ABHD13: variants seen among roughly 807,000 people sequenced by gnomAD.
ABHD13 encodes the protein protein ABHD13.
In ABHD13, 7 loss-of-function variants were observed where a neutral mutation model predicts 25.2. The ratio of observed to expected loss-of-function variants is 0.28; its 90% confidence interval spans 0.16 to 0.52. The LOEUF (loss-of-function observed/expected upper bound fraction) is 0.52, where lower values mean the gene tolerates loss of function less well. Among genes scored for constraint, ABHD13 ranks in the 20% least tolerant of loss-of-function variants. ABHD13 has a pLI of 0.96. For missense variants in ABHD13, 302 were observed against 402.7 expected, an observed-to-expected ratio of 0.75 and a Z score of 2.14; for synonymous variants, 133 against 136.1, an observed-to-expected ratio of 0.98 and a Z score of 0.16.
intron 1 of ABHD13, among the ~76,000 whole-genome samples, chr13:108,225,348 G>C (rs1292464637): frequency 6.6e-6 from 1 of 152,100 alleles, no homozygotes; most frequent in Non-Finnish European, 1.5e-5. Flanking sequence ...GATAATTGGA[G>C]CCATGAAAAG....
At position 108,230,156 on chromosome 13, in the gene ABHD13, A is replaced by C. The variant is rs558570811; in HGVS notation, c.938A>C (p.Gln313Pro). ...QCQGYFTALE[Q>P]FIKEVVKSHS... The stretch of plus-strand genomic sequence containing the variant: ...CAAGGCTATTTCACTGCACTTGAAC[A>C]GTTCATCAAAGAAGTCGTAAAGAGC... Residue 313 changes from glutamine to proline, a missense_variant, in exon 2 of 2, where the codon CAG (glutamine) becomes CCG (proline). Gln to Pro is a moderately conservative substitution (Grantham distance 76, BLOSUM62 -1). Transcript: ENST00000375898. The C allele has an allele frequency of 1.2e-6, 2 of 1,612,144 alleles. No homozygotes were observed. The highest frequency in any genetic ancestry group is 2.2e-5 in the East Asian group (1 of 44,838).
intron 1 of ABHD13, among the ~76,000 whole-genome samples, chr13:108,219,478 A>G (rs747182147): frequency 6.6e-6 from 1 of 152,200 alleles, no homozygotes. Flanking sequence ...TCGTGGATCA[A>G]TACTTATTTG....
chr13:108,224,983 C>G (rs1008051589), intron 1 of ABHD13, among the ~76,000 whole-genome samples: 2 of 152,102 alleles, frequency 1.3e-5, no homozygotes. Flanking sequence ...TTGAGACACA[C>G]TCACTAATAT....
In ABHD13 at chr13:108,229,391, A is replaced by C; in HGVS notation, c.173A>C (p.Tyr58Ser). Reference sequence around the variant, plus strand: ...TTCATATCAATAGCAGGTATTCTGTATAAATTCCAGGATGTATTGCTTTAT... The same window carrying C: ...TTCATATCAATAGCAGGTATTCTGTCTAAATTCCAGGATGTATTGCTTTAT... The part of the protein sequence containing the change: ...LIFISIAGIL[Y>S]KFQDVLLYFP... Residue 58 changes from tyrosine (Y) to serine (S), a missense_variant, in exon 2 of 2, where the codon TAT becomes TCT. Physicochemically the swap from Tyr to Ser is moderately radical, Grantham distance 144. Transcript: ENST00000375898. The surrounding 1 kb of genome is among the most constrained non-coding windows in gnomAD (Gnocchi z 4.7). The C allele has an allele frequency of 6.2e-7, 1 of 1,612,662 alleles. No homozygotes were observed. The highest frequency in any genetic ancestry group is 1.1e-5 in the South Asian group (1 of 90,928).
chr13:108,221,827 GC>G (rs1594488001), intron 1 of ABHD13, among the ~76,000 whole-genome samples: 3 of 151,644 alleles, frequency 2.0e-5, no homozygotes, highest in Admixed American at 6.6e-5. Flanking sequence ...TATACAATAT[GC>G]AAAACAATGT....
chr13:108,219,017 T>G (rs919705747), intron 1 of ABHD13, among the ~76,000 whole-genome samples: 1 of 152,184 alleles, frequency 6.6e-6, no homozygotes, highest in African/African-American at 2.4e-5. Context: ...CTTAGTGTTC[T>G]ATGTCAATTG....
Position 108,229,122 on chromosome 13 carries a change from C to G in ABHD13, c.-20-77C>G, listed in dbSNP as rs1325400036. The stretch of plus-strand genomic sequence containing the variant: ...TTAACAATTACATGTGGCCTAGTAC[C>G]ATAGTTTATTATATTGTGGATTTTT... On this transcript the variant is annotated intron_variant, in intron 1 of 1. Coordinates refer to ENST00000375898, the MANE Select transcript of ABHD13 (RefSeq NM_032859.3). This position sits in a 1 kb window ranked among gnomAD's most constrained non-coding sequence, Gnocchi z 4.7. 8.8e-7 allele frequency: 1 copy of G among 1,141,156 alleles called. No individual in the cohort carries two copies. The highest frequency in any genetic ancestry group is 1.2e-6 in the Non-Finnish European group (1 of 810,498). The allele number at this position is 1,141,156 out of a possible 1,614,324, so 70.7% of individuals were successfully genotyped here.
rs144231205 is a variant in ABHD13 at position 108,227,017 on chromosome 13, T to C, written c.-20-2182T>C. Among the ~76,000 whole-genome samples the C allele has an allele frequency of 5.3e-5, 8 of 152,252 alleles. No homozygotes were observed. In the East Asian group the frequency reaches 1.5e-3, roughly 29 times the overall value. On this transcript the variant is annotated intron_variant, in intron 1 of 1. Transcript: ENST00000375898. ...CCCCAGAGCAATTTTTATTAACCTG[T>C]TCTTAAAAATGACTTCCATTTGATA...
chr13:108,225,051 AT>A (rs71204862), intron 1 of ABHD13, among the ~76,000 whole-genome samples: 3 of 151,526 alleles, frequency 2.0e-5, no homozygotes, highest in African/African-American at 4.9e-5. Context: ...TCTAAGGTTG[AT>A]TTTTTTTTCA....
intron 1 of ABHD13, among the ~76,000 whole-genome samples, chr13:108,221,091 TG>T (rs1176299284): frequency 6.6e-6 from 1 of 152,252 alleles, no homozygotes; most frequent in Non-Finnish European, 1.5e-5. Flanking sequence ...AGTAGCTGCC[TG>T]GTATAATTTT....
In ABHD13 at chr13:108,231,697, GCTTT is replaced by G. The variant is rs567357018; in HGVS notation, c.*1468_*1471del. On this transcript the variant is annotated 3_prime_UTR_variant, in exon 2 of 2. Coordinates refer to ENST00000375898, the MANE Select transcript of ABHD13 (RefSeq NM_032859.3). ...TTGAATATTTTAGCTATATTTAGTG[GCTTT>G]CTGCAAGCAACTAGAACAGAGAAGT... 255 of 166,694 alleles carry G rather than the reference GCTTT, an allele frequency of 1.5e-3. 1 individual carries two copies. Among genetic ancestry groups the G allele is most frequent in the African/African-American group, 5.9e-3 (245 of 41,514 alleles). The allele number at this position is 166,694 out of a possible 1,614,324, so 10.3% of individuals were successfully genotyped here.
Position 108,229,803 on chromosome 13 carries a change from T to G in ABHD13, c.585T>G (p.Gly195=). ...TKIFLFGRSL[G]GAVAIHLASE... ...TTTTTCTTTTTGGCCGTTCCTTGGG[T>G]GGAGCAGTGGCTATTCATTTGGCTT... Residue 195 remains glycine (G), a synonymous_variant, in exon 2 of 2, where the codon GGT becomes GGG. Transcript: ENST00000375898. This position sits in a 1 kb window ranked among gnomAD's most constrained non-coding sequence, Gnocchi z 4.7. The G allele has an allele frequency of 6.2e-7, 1 of 1,613,400 alleles. No homozygotes were observed. Among genetic ancestry groups the G allele is most frequent in the South Asian group, 1.1e-5 (1 of 91,068 alleles).
At chr13:108,225,786 TA>T (rs779325721) in intron 1 of ABHD13, among the ~76,000 whole-genome samples, 36 of 152,258 alleles carry the variant, frequency 2.4e-4, no homozygotes, top group Non-Finnish European at 4.4e-4. Context: ...AATAATGATG[TA>T]AAAGAAGACT....
chr13:108,221,478 T>C (rs1879566974), intron 1 of ABHD13, among the ~76,000 whole-genome samples: 1 of 152,194 alleles, frequency 6.6e-6, no homozygotes, highest in Non-Finnish European at 1.5e-5. Flanking sequence ...CCATGGGGTG[T>C]GGGGTCCTCA....
intron 1 of ABHD13, among the ~76,000 whole-genome samples, chr13:108,220,996 C>G (rs1879556524): frequency 6.6e-6 from 1 of 152,176 alleles, no homozygotes; most frequent in African/African-American, 2.4e-5. Flanking sequence ...TTGTGGTTGG[C>G]TTCCATAGTA....
At position 108,230,067 on chromosome 13, in the gene ABHD13, C is replaced by A. The variant is rs1333456881; in HGVS notation, c.849C>A (p.Ser283=). The A allele has an allele frequency of 6.2e-7, 1 of 1,613,022 alleles. No homozygotes were observed. The highest frequency in any genetic ancestry group is 1.3e-5 in the African/African-American group (1 of 74,820). The change falls in exon 2 of 2, where the codon TCC becomes TCA. Residue 283 remains serine, a synonymous_variant. Transcript: ENST00000375898. The stretch of plus-strand genomic sequence containing the variant: ...TGATGAAACAACTTTATGAACTCTC[C>A]CCATCTCGGACTAAGAGATTAGCCA... The part of the protein sequence containing the change: ...PVMMKQLYEL[S]PSRTKRLAIF...
intron 1 of ABHD13, among the ~76,000 whole-genome samples, chr13:108,219,616 TTAAA>T (rs915492179): frequency 6.6e-6 from 1 of 152,228 alleles, no homozygotes; most frequent in African/African-American, 2.4e-5. Flanking sequence ...AGCTGCTCAA[TTAAA>T]TAATCGTTAA....
intron 1 of ABHD13, among the ~76,000 whole-genome samples, chr13:108,228,896 A>G (rs1156766292): frequency 6.6e-6 from 1 of 151,876 alleles, no homozygotes; most frequent in Admixed American, 6.6e-5. Flanking sequence ...ACACTATCGC[A>G]TCAACTTTTT....
chr13:108,219,180 T>TG (rs1206332565), intron 1 of ABHD13, among the ~76,000 whole-genome samples: 5 of 152,066 alleles, frequency 3.3e-5, no homozygotes, highest in Non-Finnish European at 5.9e-5. Flanking sequence ...AGTAACAGGT[T>TG]TAGACCTGTG....
Sources: allele counts gnomAD v4.1 joint callset (sites outside exome capture counted in the v4.1 genomes callset), GRCh38; gene constraint gnomAD v4.1.1; non-coding constraint Gnocchi (gnomAD v3.1); transcripts MANE v1.5; gene names NCBI Gene and HGNC (gene_info 2026-07-23, HGNC 2026-07-21).